The following AKR1C4 variants were observed in gnomAD, a reference collection of about 807,000 sequenced individuals.
AKR1C4 encodes 3-alpha-HSD1.
AKR1C4 carries 44 observed loss-of-function variants against 41.0 expected under a neutral mutation model. The ratio of observed to expected loss-of-function variants is 1.07; its 90% confidence interval spans 0.84 to 1.38. The LOEUF (loss-of-function observed/expected upper bound fraction) is 1.38. AKR1C4 is among the 40% of genes most tolerant of loss of function. The pLI is 0.00. For synonymous variants in AKR1C4, 165 were observed against 137.7 expected, an observed-to-expected ratio of 1.20 and a Z score of -1.39; for missense variants, 438 against 387.9, an observed-to-expected ratio of 1.13 and a Z score of -1.09.
intron 7 of AKR1C4, among the ~76,000 whole-genome samples, chr10:5,216,401 C>G (rs1401447433): frequency 6.6e-6 from 1 of 152,220 alleles, no homozygotes; most frequent in Non-Finnish European, 1.5e-5. Flanking sequence ...CAAAATTTCT[C>G]TAGATTCTTC....
intron 3 of AKR1C4, among the ~76,000 whole-genome samples, chr10:5,205,401 C>G (rs7099303): frequency 0.047 from 7,190 of 152,226 alleles, 268 homozygotes; most frequent in African/African-American, 0.11. Context: ...ATTGTATCAC[C>G]TGGATCAAGA....
At chr10:5,207,666 A>T in intron 5 of AKR1C4, 1 of 996,948 alleles carries the variant, frequency 1.0e-6, no homozygotes, top group Non-Finnish European at 1.5e-6. Flanking sequence ...GTGCAATCAT[A>T]GGACATGAAA....
Position 5,213,058 on chromosome 10 carries a change from A to G in AKR1C4, c.745A>G (p.Lys249Glu), listed in dbSNP as rs782311673. 4.3e-6 allele frequency: 7 copies of G among 1,614,146 alleles called. No individual in the cohort carries two copies. Among genetic ancestry groups the G allele is most frequent in the Non-Finnish European group, 5.1e-6 (6 of 1,180,018 alleles). ...PVLCALAKKH[K>E]QTPALIALRY... is the part of the protein sequence containing the mutation. Reference sequence around the variant, plus strand: ...TCTTTGTGCCTTAGCAAAGAAACACAAACAAACCCCAGCCCTGATTGCCCT... The same window carrying G: ...TCTTTGTGCCTTAGCAAAGAAACACGAACAAACCCCAGCCCTGATTGCCCT... Residue 249 changes from lysine to glutamate, a missense_variant, in exon 7 of 9, where the codon AAA (lysine) becomes GAA (glutamate). Coordinates refer to ENST00000263126, the MANE Select transcript of AKR1C4 (RefSeq NM_001818.5).
chr10:5,200,396 G>A (rs1219586684), intron 2 of AKR1C4, 48 bp downstream of exon 2: 6 of 1,557,788 alleles, frequency 3.9e-6, no homozygotes, highest in Non-Finnish European at 5.2e-6. Flanking sequence ...TAATGGGATT[G>A]TGTGGAGATG....
chr10:5,211,564 T>A lies in AKR1C4; in HGVS notation c.571-1052T>A, dbSNP rs190984413. ...TCCATCTGAGACCACCTCAGCCTGGTTACTATCAGTATTTTTGTCAAAGAC... is the reference window on the plus strand; with the variant it reads ...TCCATCTGAGACCACCTCAGCCTGGATACTATCAGTATTTTTGTCAAAGAC... On this transcript the variant is annotated intron_variant, in intron 5 of 8. Coordinates refer to ENST00000263126, the MANE Select transcript of AKR1C4 (RefSeq NM_001818.5). 1.5e-3 allele frequency among the ~76,000 whole-genome samples: 235 copies of A among 152,282 alleles called. 1 individual carries two copies. The highest frequency in any genetic ancestry group is 5.3e-3 in the African/African-American group (222 of 41,568).
intron 2 of AKR1C4, among the ~76,000 whole-genome samples, chr10:5,203,351 C>T (rs1157372244): frequency 1.3e-5 from 2 of 152,144 alleles, no homozygotes; most frequent in Admixed American, 1.3e-4. Flanking sequence ...TGCTGATGTC[C>T]CCTGTGAGAT....
intron 1 of AKR1C4, among the ~76,000 whole-genome samples, chr10:5,199,239 G>A (rs538162766): frequency 1.6e-4 from 24 of 152,158 alleles, no homozygotes; most frequent in African/African-American, 5.5e-4. Context: ...CAAGACACGA[G>A]GATAATGTGA....
intron 3 of AKR1C4, among the ~76,000 whole-genome samples, chr10:5,205,057 G>C (rs1832464097): frequency 6.6e-6 from 1 of 152,160 alleles, no homozygotes; most frequent in Non-Finnish European, 1.5e-5. Context: ...AAAAAACTCA[G>C]GCTAGTTTAT....
At chr10:5,203,435 CTACTT>C (rs1459931416) in intron 2 of AKR1C4, among the ~76,000 whole-genome samples, 2 of 152,182 alleles carry the variant, frequency 1.3e-5, no homozygotes, top group Non-Finnish European at 2.9e-5. Flanking sequence ...ACTGCCGCTT[CTACTT>C]TATTTCTCAC....
At chr10:5,214,345 A>T (rs1387061494) in intron 7 of AKR1C4, among the ~76,000 whole-genome samples, 1 of 143,776 alleles carries the variant, frequency 7.0e-6, no homozygotes, top group Non-Finnish European at 1.5e-5. Context: ...TACTACCATA[A>T]TAGTAACAGT....
chr10:5,197,019 G>A, intron 1 of AKR1C4, 68 bp downstream of exon 1: 14 of 1,503,458 alleles, frequency 9.3e-6, no homozygotes, highest in Non-Finnish European at 1.3e-5. Flanking sequence ...CGATGACCTG[G>A]GTTGTTCAGC....
intron 2 of AKR1C4, among the ~76,000 whole-genome samples, chr10:5,202,721 G>A (rs1832419120): frequency 6.6e-6 from 1 of 151,790 alleles, no homozygotes; most frequent in African/African-American, 2.4e-5. Context: ...TTGCTTTTTT[G>A]CATCTATTGA....
chr10:5,203,817 G>T (rs76669111), intron 2 of AKR1C4, among the ~76,000 whole-genome samples: 17,217 of 152,236 alleles, frequency 0.11, 1,190 homozygotes, highest in Admixed American at 0.17. Flanking sequence ...TACAGATTCA[G>T]AGAGACCTAT....
intron 5 of AKR1C4, among the ~76,000 whole-genome samples, chr10:5,212,203 G>A (rs1306629512): frequency 6.6e-6 from 1 of 152,152 alleles, no homozygotes; most frequent in African/African-American, 2.4e-5. Flanking sequence ...ATTCATTGTT[G>A]GTTTTTGATG....
At chr10:5,208,191 C>T (rs1461967158) in intron 5 of AKR1C4, among the ~76,000 whole-genome samples, 4 of 151,576 alleles carry the variant, frequency 2.6e-5, no homozygotes, top group Admixed American at 2.6e-4. Flanking sequence ...TGATGCACTG[C>T]TTTGCTTTCT....
intron 1 of AKR1C4, among the ~76,000 whole-genome samples, chr10:5,199,630 G>C (rs1253172026): frequency 1.3e-5 from 2 of 152,110 alleles, no homozygotes; most frequent in African/African-American, 4.8e-5. Context: ...GCCACCTACT[G>C]GCAGAAGCAG....
At chr10:5,206,938 G>T (rs539545624) in intron 5 of AKR1C4, among the ~76,000 whole-genome samples, 1 of 152,236 alleles carries the variant, frequency 6.6e-6, no homozygotes, top group South Asian at 2.1e-4. Flanking sequence ...AAGTCATCCA[G>T]GTTAGGGAGA....
chr10:5,217,749 G>A (rs1192450609), intron 8 of AKR1C4, among the ~76,000 whole-genome samples: 1 of 152,128 alleles, frequency 6.6e-6, no homozygotes, highest in Non-Finnish European at 1.5e-5. Flanking sequence ...AACAGAGCAA[G>A]ACTCAGTCAT....
At chr10:5,200,406 G>A in intron 2 of AKR1C4, 58 bp downstream of exon 2, 3 of 1,540,672 alleles carry the variant, frequency 1.9e-6, no homozygotes, top group East Asian at 2.3e-5. Flanking sequence ...GTGTGGAGAT[G>A]ACAATTCTGT....
Sources: allele counts gnomAD v4.1 joint callset (sites outside exome capture counted in the v4.1 genomes callset), GRCh38; gene constraint gnomAD v4.1.1; transcripts MANE v1.5; gene names NCBI Gene and HGNC (gene_info 2026-07-23, HGNC 2026-07-21).